Variants in CDH12 observed in about 807,000 individuals in gnomAD.
CDH12 encodes cadherin 12, also known as cadherin-12.
A neutral mutation model predicts 74.1 loss-of-function variants in CDH12; 41 were observed. The ratio of observed to expected loss-of-function variants is 0.55; its 90% confidence interval spans 0.43 to 0.72. CDH12 has a LOEUF of 0.72. Ranked by LOEUF, CDH12 falls within the 30% of genes least tolerant of loss-of-function variation. The probability of loss-of-function intolerance (pLI) is 0.00; values close to 1 mark genes in which losing one functional copy is unlikely to be tolerated. For synonymous variants in CDH12, 399 were observed against 355.0 expected (o/e 1.12, Z -1.39); for missense variants, 945 against 977.2 (o/e 0.97, Z 0.44).
intron 3 of CDH12, among the ~76,000 whole-genome samples, chr5:22,268,449 T>C (rs552035698): frequency 1.3e-5 from 2 of 152,086 alleles, no homozygotes; most frequent in Non-Finnish European, 2.9e-5. Context: ...CCCAACTCTA[T>C]TTAAAACAGA....
intron 4 of CDH12, among the ~76,000 whole-genome samples, chr5:22,116,469 G>A (rs1346480064): frequency 6.6e-6 from 1 of 152,192 alleles, no homozygotes; most frequent in Non-Finnish European, 1.5e-5. Flanking sequence ...GCCAGGCGTG[G>A]TGGCGCGTGC....
chr5:22,002,922 A>C (rs981430905), intron 5 of CDH12, among the ~76,000 whole-genome samples: 3 of 152,208 alleles, frequency 2.0e-5, no homozygotes, highest in Non-Finnish European at 4.4e-5. Flanking sequence ...GAGCACTCTA[A>C]GAGAAAGTTT....
At chr5:22,549,132 T>C (rs1420526892) in intron 1 of CDH12, among the ~76,000 whole-genome samples, 1 of 149,156 alleles carries the variant, frequency 6.7e-6, no homozygotes, top group Non-Finnish European at 1.5e-5. Context: ...ATTTGTTTTT[T>C]TTTTGTTTTT....
intron 4 of CDH12, among the ~76,000 whole-genome samples, chr5:22,211,404 A>G (rs377104663): frequency 7.2e-5 from 11 of 152,178 alleles, no homozygotes; most frequent in African/African-American, 2.2e-4. Context: ...TATCAAGGTA[A>G]GTGATTGCTA....
At chr5:22,004,410 A>G (rs1736813682) in intron 5 of CDH12, among the ~76,000 whole-genome samples, 2 of 152,074 alleles carry the variant, frequency 1.3e-5, no homozygotes, top group Non-Finnish European at 2.9e-5. Flanking sequence ...AAATCCTTGG[A>G]GTGGCCTTCA....
chr5:22,113,774 T>C (rs1744944090), intron 4 of CDH12, among the ~76,000 whole-genome samples: 1 of 152,130 alleles, frequency 6.6e-6, no homozygotes, highest in Non-Finnish European at 1.5e-5. Flanking sequence ...CTAATAAATA[T>C]CAAAATAGAA....
At chr5:21,782,998 A>C (rs1433381953) in intron 11 of CDH12, among the ~76,000 whole-genome samples, 2 of 152,164 alleles carry the variant, frequency 1.3e-5, no homozygotes, top group African/African-American at 4.8e-5. Context: ...GTGATTTTAC[A>C]TGATAATTAT....
At chr5:22,140,799 C>T in intron 4 of CDH12, among the ~76,000 whole-genome samples, 1 of 152,122 alleles carries the variant, frequency 6.6e-6, no homozygotes, top group Non-Finnish European at 1.5e-5. Flanking sequence ...TGCAAACTCA[C>T]ACCATCATGT....
chr5:21,781,724 C>CA (rs10656219), intron 11 of CDH12, among the ~76,000 whole-genome samples: 94,843 of 144,504 alleles, frequency 0.66, 32,024 homozygotes, highest in Non-Finnish European at 0.75. Context: ...ACTATTATCT[C>CA]AAAAAAAAAA....
rs1193077466 is a variant in CDH12, at chr5:22,698,676, GATATATATATATATATATAT to G, written c.-523+154362_-523+154381del. On this transcript the variant is annotated intron_variant, in intron 1 of 14. Coordinates refer to ENST00000382254, the MANE Select transcript of CDH12 (RefSeq NM_004061.5). ...TACATTTAGCTGCATTCAATCCCCA[GATATATATATATATATATAT>G]ATATATATATATATATATATATATA... Among the ~76,000 whole-genome samples, 80 of 30,976 alleles carry G rather than the reference GATATATATATATATATATAT, an allele frequency of 2.6e-3. 2 individuals carry two copies. The highest frequency in any genetic ancestry group is 4.5e-3 in the African/African-American group (40 of 8,912). 20.3% of individuals were successfully genotyped at this position (30,976 alleles called of 152,430 possible).
intron 3 of CDH12, among the ~76,000 whole-genome samples, chr5:22,335,109 T>C (rs995071140): frequency 6.6e-6 from 1 of 152,108 alleles, no homozygotes; most frequent in African/African-American, 2.4e-5. Context: ...TGACAAGAGA[T>C]TAATAACGAG....
intron 4 of CDH12, among the ~76,000 whole-genome samples, chr5:22,203,423 T>A (rs567237982): frequency 1.5e-3 from 222 of 152,312 alleles, no homozygotes; most frequent in Middle Eastern, 6.8e-3. Flanking sequence ...AATTACAGAA[T>A]CTCATTCTAT....
At chr5:21,956,038 A>G (rs1372018945) in intron 6 of CDH12, among the ~76,000 whole-genome samples, 2 of 152,104 alleles carry the variant, frequency 1.3e-5, no homozygotes, top group Non-Finnish European at 2.9e-5. Context: ...AAGATAATAA[A>G]TATTTTACTC....
chr5:21,977,027 G>A (rs2150124175), intron 5 of CDH12, among the ~76,000 whole-genome samples: 1 of 152,074 alleles, frequency 6.6e-6, no homozygotes, highest in African/African-American at 2.4e-5. Flanking sequence ...TCATATTAAT[G>A]TTATTAAGGT....
intron 7 of CDH12, among the ~76,000 whole-genome samples, chr5:21,847,243 A>T (rs1185420441): frequency 1.3e-5 from 2 of 152,084 alleles, no homozygotes; most frequent in African/African-American, 4.8e-5. Context: ...GTTCTTTCCA[A>T]GGGATGCTTA....
rs147687489 is a variant in CDH12 at position 22,550,350 on chromosome 5, C to A, written c.-522-44986G>T. 2.5e-3 allele frequency among the ~76,000 whole-genome samples: 379 copies of A among 152,268 alleles called. 2 individuals are homozygous for A. The highest frequency in any genetic ancestry group is 8.5e-3 in the African/African-American group (355 of 41,578). On this transcript the variant is annotated intron_variant, in intron 1 of 14. Transcript: ENST00000382254. ...ATTTCCCATTGCCAATCTGACAAAT[C>A]TGATTGTCTAACAAGCAGCTTAAAC...
chr5:22,291,119 A>G (rs1378911665), intron 3 of CDH12, among the ~76,000 whole-genome samples: 1 of 152,184 alleles, frequency 6.6e-6, no homozygotes, highest in Non-Finnish European at 1.5e-5. Flanking sequence ...AACAAAAGCC[A>G]TATGATTATT....
intron 3 of CDH12, among the ~76,000 whole-genome samples, chr5:22,357,203 T>C (rs1377700019): frequency 2.0e-5 from 3 of 152,132 alleles, no homozygotes; most frequent in Admixed American, 1.3e-4. Flanking sequence ...TCAGCAGAAT[T>C]ACAGAACTGT....
chr5:22,138,780 T>C (rs1312713100), intron 4 of CDH12, among the ~76,000 whole-genome samples: 2 of 145,652 alleles, frequency 1.4e-5, no homozygotes, highest in Non-Finnish European at 3.0e-5. Context: ...TTTTATCTTA[T>C]TGAGTTTCAA....
Sources: allele counts gnomAD v4.1 joint callset (sites outside exome capture counted in the v4.1 genomes callset), GRCh38; gene constraint gnomAD v4.1.1; transcripts MANE v1.5; gene names NCBI Gene and HGNC (gene_info 2026-07-23, HGNC 2026-07-21).